The following GPC1 variants were observed in gnomAD, a reference collection of about 807,000 sequenced individuals.
GPC1 encodes the protein glypican 1, also known as glypican-1.
Under a neutral mutation model 51.5 loss-of-function variants are expected in GPC1, and 26 were observed. The observed-to-expected ratio is 0.50, with a 90% confidence interval of 0.37 to 0.70. GPC1 has a LOEUF of 0.70. Ranked by LOEUF, GPC1 falls within the 30% of genes least tolerant of loss-of-function variation. The pLI, the probability that GPC1 is intolerant of heterozygous loss-of-function variation, is 0.00. For missense variants in GPC1, 775 were observed against 800.5 expected (o/e 0.97, Z 0.38); for synonymous variants, 380 against 348.3 (o/e 1.09, Z -1.01).
At chr2:240,445,807 C>T (rs958822511) in intron 1 of GPC1, among the ~76,000 whole-genome samples, 21 of 152,326 alleles carry the variant, frequency 1.4e-4, no homozygotes, top group Admixed American at 3.9e-4. Context: ...TGCCCCTCCA[C>T]GTTCGTAGCA....
At chr2:240,439,340 CT>C (rs1308166584) in intron 1 of GPC1, among the ~76,000 whole-genome samples, 1 of 152,116 alleles carries the variant, frequency 6.6e-6, no homozygotes, top group African/African-American at 2.4e-5. Context: ...GCAGACACCC[CT>C]GTTCTCAGGG....
intron 1 of GPC1, chr2:240,453,126 C>T (rs2074117323): frequency 1.1e-5 from 3 of 270,434 alleles, no homozygotes; most frequent in Admixed American, 5.8e-5. Flanking sequence ...CCACCCGCTC[C>T]TCGTCCCCAC....
At chr2:240,449,925 C>T (rs922854071) in intron 1 of GPC1, 11 of 470,106 alleles carry the variant, frequency 2.3e-5, no homozygotes, top group African/African-American at 2.2e-4. Flanking sequence ...TATGCACCTA[C>T]AGACAGTTTG....
intron 1 of GPC1, among the ~76,000 whole-genome samples, chr2:240,445,833 G>A (rs1308504562): frequency 2.0e-5 from 3 of 152,164 alleles, no homozygotes; most frequent in Admixed American, 1.3e-4. Context: ...CTTGGAAAAC[G>A]GCGTCCTCTC....
intron 1 of GPC1, among the ~76,000 whole-genome samples, chr2:240,457,251 A>G (rs975009220): frequency 5.9e-5 from 9 of 151,990 alleles, no homozygotes; most frequent in South Asian, 4.2e-4. Context: ...AAGAACCCCT[A>G]CCTCGGCCCT....
chr2:240,459,137 A>G lies in GPC1; in HGVS notation c.274A>G (p.Ser92Gly), dbSNP rs1302158033. The G allele has an allele frequency of 3.7e-6, 6 of 1,612,502 alleles. No individual in the cohort carries two copies. The highest frequency in any genetic ancestry group is 2.2e-5 in the East Asian group (1 of 44,884). ...CGAGCTGGAGACCGCGCTCCGGGAC[A>G]GCAGCCGCGTCCTGCAGGCCATGCT... ...HAELETALRD[S>G]SRVLQAMLAT... is the part of the protein sequence containing the mutation. Residue 92 changes from serine to glycine, a missense_variant, in exon 2 of 9, where the codon AGC (serine) becomes GGC (glycine). By Grantham distance (56) the Ser-to-Gly change is moderately conservative. Transcript: ENST00000264039.
intron 2 of GPC1, among the ~76,000 whole-genome samples, chr2:240,460,316 G>T (rs2074205590): frequency 6.6e-6 from 1 of 152,138 alleles, no homozygotes; most frequent in South Asian, 2.1e-4. Context: ...CTCCTGCCCA[G>T]CTGGACCCGG....
At chr2:240,444,090 G>A (rs2151786636) in intron 1 of GPC1, among the ~76,000 whole-genome samples, 1 of 152,328 alleles carries the variant, frequency 6.6e-6, no homozygotes, top group East Asian at 1.9e-4. Context: ...GGGAGGCTGT[G>A]AACACGGCCC....
chr2:240,443,935 T>TG (rs1256097192), intron 1 of GPC1, among the ~76,000 whole-genome samples: 1 of 152,184 alleles, frequency 6.6e-6, no homozygotes, highest in Admixed American at 6.5e-5. Flanking sequence ...GCCCCACACT[T>TG]GCTTGCCGAG....
At position 240,436,506 on chromosome 2, in the gene GPC1, G is replaced by A. The variant is rs536533348; in HGVS notation, c.166+422G>A. Among the ~76,000 whole-genome samples, 5 of 152,256 alleles carry A rather than the reference G, an allele frequency of 3.3e-5. No homozygotes were observed. The South Asian group carries it at 1.0e-3, about 32-fold the overall frequency. On this transcript the variant is annotated intron_variant, in intron 1 of 8. Transcript: ENST00000264039. ...CGGCTGTCGGGGCGCTGTGGGGCTCGGCGTGGCCGGGCTTTCGGGGCGCCG... is the reference window on the plus strand; with the variant it reads ...CGGCTGTCGGGGCGCTGTGGGGCTCAGCGTGGCCGGGCTTTCGGGGCGCCG...
intron 1 of GPC1, chr2:240,456,185 G>A: frequency 3.8e-6 from 1 of 260,182 alleles, no homozygotes; most frequent in Non-Finnish European, 7.6e-6. Flanking sequence ...GCGCGGCCGT[G>A]AGGGGGTGTG....
At chr2:240,449,733 G>A (rs2074080061) in intron 1 of GPC1, 1 of 428,494 alleles carries the variant, frequency 2.3e-6, no homozygotes, top group Non-Finnish European at 4.8e-6. Context: ...ACCGCCCCTG[G>A]TGCCCGCCAT....
At chr2:240,437,385 C>A (rs1026982699) in intron 1 of GPC1, among the ~76,000 whole-genome samples, 1 of 152,046 alleles carries the variant, frequency 6.6e-6, no homozygotes, top group Admixed American at 6.5e-5. Flanking sequence ...TGTAAGGGCC[C>A]CCTGACCGCC....
At chr2:240,455,077 C>T (rs1236980293) in intron 1 of GPC1, 1 of 171,534 alleles carries the variant, frequency 5.8e-6, no homozygotes, top group Non-Finnish European at 1.4e-5. Flanking sequence ...TGGGGTGGTC[C>T]AGAACCGTCA....
chr2:240,463,522 C>A lies in GPC1; in HGVS notation c.883+10C>A, dbSNP rs761920442. 1.2e-6 allele frequency: 2 copies of A among 1,611,876 alleles called. No individual in the cohort carries two copies. The highest frequency in any genetic ancestry group is 1.7e-5 in the Admixed American group (1 of 59,978). The stretch of plus-strand genomic sequence containing the variant: ...TGGAGGAACCTCCTGGGTGAGCCCC[C>A]ACCCGCGAGAGCGGCCTGGAACTGT... On this transcript the variant is annotated intron_variant, in intron 4 of 8. Transcript: ENST00000264039.
chr2:240,456,164 C>T (rs987313125), intron 1 of GPC1: 10 of 257,210 alleles, frequency 3.9e-5, no homozygotes, highest in Non-Finnish European at 5.4e-5. Flanking sequence ...GGCTGAGGCG[C>T]GGGGGCCGGT....
intron 1 of GPC1, among the ~76,000 whole-genome samples, chr2:240,447,628 TGA>T (rs1267346640): frequency 2.6e-5 from 4 of 152,180 alleles, no homozygotes; most frequent in Non-Finnish European, 4.4e-5. Flanking sequence ...GGGCGGGTCC[TGA>T]GAGAAGCCAA....
chr2:240,461,705 G>A (rs1190672531), intron 2 of GPC1, among the ~76,000 whole-genome samples: 1 of 152,172 alleles, frequency 6.6e-6, no homozygotes, highest in African/African-American at 2.4e-5. Context: ...AGGGTGGCGG[G>A]AGGGGCAGCA....
chr2:240,447,134 G>A (rs564110068), intron 1 of GPC1, among the ~76,000 whole-genome samples: 1 of 152,230 alleles, frequency 6.6e-6, no homozygotes, highest in East Asian at 1.9e-4. Flanking sequence ...GGGGCTGGGG[G>A]CTTGGTAGGC....
Sources: allele counts gnomAD v4.1 joint callset (sites outside exome capture counted in the v4.1 genomes callset), GRCh38; gene constraint gnomAD v4.1.1; transcripts MANE v1.5; gene names NCBI Gene and HGNC (gene_info 2026-07-23, HGNC 2026-07-21).